The following PACS1 variants were observed in gnomAD, a reference collection of about 807,000 sequenced individuals.
The protein encoded by PACS1 is PACS-1.
PACS1 carries 24 observed loss-of-function variants against 115.0 expected under a neutral mutation model. That is an observed-to-expected ratio of 0.21 (90% CI 0.15 to 0.29). The LOEUF (loss-of-function observed/expected upper bound fraction) is 0.29, where lower values mean the gene tolerates loss of function less well. Among genes scored for constraint, PACS1 ranks in the 10% least tolerant of loss-of-function variants. The pLI is 1.00. For synonymous variants in PACS1, 453 were observed against 504.5 expected, an observed-to-expected ratio of 0.90 and a Z score of 1.37; for missense variants, 838 against 1,251.2, an observed-to-expected ratio of 0.67 and a Z score of 4.98.
At chr11:66,182,212 C>T (rs1860026904) in intron 1 of PACS1, among the ~76,000 whole-genome samples, 2 of 152,016 alleles carry the variant, frequency 1.3e-5, no homozygotes, top group African/African-American at 2.4e-5. Context: ...TTGGTCTGTG[C>T]AAGTAATTGG....
intron 4 of PACS1, among the ~76,000 whole-genome samples, chr11:66,212,725 T>A (rs1855104471): frequency 6.6e-6 from 1 of 152,198 alleles, no homozygotes; most frequent in South Asian, 2.1e-4. Flanking sequence ...CCTTATCACA[T>A]TTCACCCACT....
chr11:66,230,382 G>A (rs577682154), intron 11 of PACS1, 166 bp from the exon 12 acceptor site: 18 of 612,928 alleles, frequency 2.9e-5, no homozygotes, highest in East Asian at 5.5e-5. Flanking sequence ...GAACAGTGGC[G>A]ATTTTCCTTC....
intron 1 of PACS1, among the ~76,000 whole-genome samples, chr11:66,083,152 A>G (rs1473011842): frequency 6.6e-6 from 1 of 152,174 alleles, no homozygotes; most frequent in Admixed American, 6.5e-5. Flanking sequence ...TCTCCCATGC[A>G]CTGCTTTTGC....
At chr11:66,223,078 A>AAAAAAAT (rs1855392047) in intron 10 of PACS1, among the ~76,000 whole-genome samples, 3 of 138,818 alleles carry the variant, frequency 2.2e-5, no homozygotes, top group African/African-American at 7.8e-5. Flanking sequence ...AAAAAAAAAA[A>AAAAAAAT]CTCTTTCTAA....
At chr11:66,074,467 G>A (rs1292850222) in intron 1 of PACS1, among the ~76,000 whole-genome samples, 1 of 152,098 alleles carries the variant, frequency 6.6e-6, no homozygotes, top group Admixed American at 6.5e-5. Flanking sequence ...TTTCCCTGAT[G>A]TTCTTTTCTT....
intron 13 of PACS1, 53 bp downstream of exon 13, chr11:66,230,993 C>T: frequency 6.2e-7 from 1 of 1,607,800 alleles, no homozygotes; most frequent in Non-Finnish European, 8.5e-7. Flanking sequence ...CCCTGAACTT[C>T]AGGCTCTGTT....
At chr11:66,157,075 C>T (rs1273992489) in intron 1 of PACS1, among the ~76,000 whole-genome samples, 5 of 152,048 alleles carry the variant, frequency 3.3e-5, no homozygotes, top group African/African-American at 9.7e-5. Context: ...CCCTCAATTA[C>T]GTAGGATGGT....
At chr11:66,238,171 C>G (rs758958255) in intron 19 of PACS1, 2 of 985,248 alleles carry the variant, frequency 2.0e-6, no homozygotes, top group South Asian at 4.7e-5. Flanking sequence ...AGAACCCCCC[C>G]ACCCCCATTC....
At chr11:66,077,403 TAAAC>T (rs1857415926) in intron 1 of PACS1, among the ~76,000 whole-genome samples, 1 of 151,920 alleles carries the variant, frequency 6.6e-6, no homozygotes, top group Non-Finnish European at 1.5e-5. Context: ...CCACAAAAAA[TAAAC>T]AAAATTAGCC....
At chr11:66,169,361 A>T (rs1227000265) in intron 1 of PACS1, among the ~76,000 whole-genome samples, 4 of 150,124 alleles carry the variant, frequency 2.7e-5, no homozygotes, top group Non-Finnish European at 5.9e-5. Flanking sequence ...ATGTTAAAGC[A>T]TCTTTACATT....
intron 1 of PACS1, among the ~76,000 whole-genome samples, chr11:66,186,392 T>C (rs1854375436): frequency 6.6e-6 from 1 of 152,042 alleles, no homozygotes; most frequent in Non-Finnish European, 1.5e-5. Context: ...TGCAGCCAGC[T>C]TAAGGCCTAT....
rs182024938 is a variant in PACS1, at chr11:66,172,943, G to A, written c.357-20543G>A. 4.2e-5 allele frequency among the ~76,000 whole-genome samples: 6 copies of A among 142,898 alleles called. No individual in the cohort carries two copies. In the Admixed American group the frequency reaches 4.3e-4, roughly 10 times the overall value. The allele number at this position is 142,898 out of a possible 152,430, so 93.7% of individuals were successfully genotyped here. A position where few individuals can be genotyped will look rare whatever the true frequency, so the allele number is the denominator to read the frequency against. ...GTGAGCTGAGATCACACCACTGCAC[G>A]CCAGCCTGGTGACACAGCGAGACTC... On this transcript the variant is annotated intron_variant, in intron 1 of 23. Transcript: ENST00000320580.
At chr11:66,091,670 C>A (rs192531102) in intron 1 of PACS1, among the ~76,000 whole-genome samples, 9,598 of 151,562 alleles carry the variant, frequency 0.063, 464 homozygotes, top group African/African-American at 0.13. Context: ...ATCCCTCCCC[C>A]CTCCTCCCAC....
chr11:66,213,096 G>T (rs535114952), intron 4 of PACS1, among the ~76,000 whole-genome samples: 1 of 151,888 alleles, frequency 6.6e-6, no homozygotes, highest in Non-Finnish European at 1.5e-5. Context: ...CAAGTGATCC[G>T]CTGCTTTGGC....
intron 3 of PACS1, among the ~76,000 whole-genome samples, chr11:66,210,824 CG>C (rs1422150177): frequency 1.3e-5 from 2 of 152,224 alleles, no homozygotes; most frequent in Non-Finnish European, 2.9e-5. Flanking sequence ...CCCTCCTAGT[CG>C]GTGTCCCTCT....
intron 16 of PACS1, 84 bp downstream of exon 16, chr11:66,234,023 G>A: frequency 1.3e-6 from 2 of 1,571,638 alleles, no homozygotes; most frequent in Non-Finnish European, 1.7e-6. Context: ...GGTGGGGTTG[G>A]GGCCTAGGAA....
chr11:66,117,601 C>T (rs1303989504), intron 1 of PACS1, among the ~76,000 whole-genome samples: 1 of 152,142 alleles, frequency 6.6e-6, no homozygotes, highest in East Asian at 1.9e-4. Flanking sequence ...AATCCCAGCA[C>T]TTTGGGAGGC....
chr11:66,211,903 C>T (rs753736007), intron 4 of PACS1, among the ~76,000 whole-genome samples: 19 of 152,142 alleles, frequency 1.2e-4, no homozygotes, highest in Non-Finnish European at 2.2e-4. Flanking sequence ...TGCAGCAGCC[C>T]CTCGGTTTTC....
Position 66,199,888 on chromosome 11 carries a change from G to A in PACS1, c.444+6315G>A, listed in dbSNP as rs182524438. Among the ~76,000 whole-genome samples, 178 of 151,986 alleles carry A rather than the reference G, an allele frequency of 1.2e-3. 2 individuals are homozygous for A. Among genetic ancestry groups the A allele is most frequent in the Non-Finnish European group, 2.1e-4 (14 of 67,982 alleles). On this transcript the variant is annotated intron_variant, in intron 2 of 23. Transcript: ENST00000320580. Reference sequence around the variant, plus strand: ...CAAAAAATTAGCTGGGTGTAGTGGCGTACACCTGTAATCCCAGCTACTCGG... The same window carrying A: ...CAAAAAATTAGCTGGGTGTAGTGGCATACACCTGTAATCCCAGCTACTCGG...
Sources: allele counts gnomAD v4.1 joint callset (sites outside exome capture counted in the v4.1 genomes callset), GRCh38; gene constraint gnomAD v4.1.1; transcripts MANE v1.5; gene names NCBI Gene and HGNC (gene_info 2026-07-23, HGNC 2026-07-21).